Variants in ZNF341 observed in about 807,000 individuals in gnomAD.
The protein encoded by ZNF341 is zinc finger protein 341.
Under a neutral mutation model 87.7 loss-of-function variants are expected in ZNF341, and 52 were observed. The observed-to-expected ratio is 0.59, with a 90% CI of 0.47 to 0.75. The LOEUF (loss-of-function observed/expected upper bound fraction) is 0.75. Ranked by LOEUF, ZNF341 falls within the 30% of genes least tolerant of loss-of-function variation. The pLI, the probability that ZNF341 is intolerant of heterozygous loss-of-function variation, is 0.00. For missense variants in ZNF341, 977 were observed against 1,145.9 expected (o/e 0.85, Z 2.13); for synonymous variants, 459 against 472.7 (o/e 0.97, Z 0.38).
chr20:33,789,975 C>T (rs1224300647), intron 14 of ZNF341, among the ~76,000 whole-genome samples: 2 of 152,236 alleles, frequency 1.3e-5, no homozygotes, highest in Middle Eastern at 3.4e-3. Flanking sequence ...AGTTTCTCAG[C>T]GCCTCCTCAG....
rs1012634696 is a variant in ZNF341 at position 33,783,850 on chromosome 20, C to T, written c.1838C>T (p.Ala613Val). The T allele has an allele frequency of 2.5e-6, 4 of 1,613,222 alleles. No homozygotes were observed. Among genetic ancestry groups the T allele is most frequent in the Non-Finnish European group, 1.7e-6 (2 of 1,179,688 alleles). The change falls in exon 12 of 15, where the codon GCT (alanine) becomes GTT (valine). Residue 613 changes from alanine (A) to valine (V), a missense_variant. Transcript: ENST00000375200. ...FRREHYLKLH[A>V]HIHSGEKPYK... ...CGGGAGCATTATCTCAAACTGCATG[C>T]TCACATCCACTCGGGTAGGTACCCT... is the stretch of plus-strand genomic sequence containing the variant.
intron 13 of ZNF341, 59 bp downstream of exon 13, chr20:33,789,033 G>T (rs1447724914): frequency 1.4e-6 from 2 of 1,384,102 alleles, no homozygotes; most frequent in African/African-American, 1.4e-5. Flanking sequence ...CAGGGGTGCT[G>T]CTGGGGAGGG....
chr20:33,741,531 G>A (rs1271257349), intron 2 of ZNF341, among the ~76,000 whole-genome samples: 21 of 151,934 alleles, frequency 1.4e-4, no homozygotes, highest in Admixed American at 1.1e-3. Flanking sequence ...AGCCTCCTGC[G>A]TAGCTGGGAT....
chr20:33,791,180 C>G lies in ZNF341; in HGVS notation c.2228C>G (p.Thr743Ser). The G allele has an allele frequency of 1.2e-6, 2 of 1,613,136 alleles. No individual in the cohort carries two copies. The highest frequency in any genetic ancestry group is 1.7e-6 in the Non-Finnish European group (2 of 1,179,980). Residue 743 changes from threonine (T) to serine (S), a missense_variant, in exon 15 of 15, where the codon ACC becomes AGC. By Grantham distance (58) the Thr-to-Ser change is moderately conservative. Coordinates refer to ENST00000375200, the MANE Select transcript of ZNF341 (RefSeq NM_001282933.2). ...LGPQKDKDLQ[T>S]RRPPQRRAAP... Reference sequence around the variant, plus strand: ...CCCCAAAAGGACAAGGACCTGCAAACCCGGCGGCCCCCCCAGAGGAGGGCA... The same window carrying G: ...CCCCAAAAGGACAAGGACCTGCAAAGCCGGCGGCCCCCCCAGAGGAGGGCA...
intron 12 of ZNF341, among the ~76,000 whole-genome samples, chr20:33,785,203 T>C (rs2019827821): frequency 6.6e-6 from 1 of 152,190 alleles, no homozygotes; most frequent in South Asian, 2.1e-4. Context: ...TCCAATGTTT[T>C]TCCTTTTTTT....
chr20:33,768,556 G>C (rs1163294839), intron 9 of ZNF341, among the ~76,000 whole-genome samples: 1 of 151,846 alleles, frequency 6.6e-6, no homozygotes, highest in Non-Finnish European at 1.5e-5. Context: ...TTGAGTAGCT[G>C]GGATTACGTG....
intron 6 of ZNF341, among the ~76,000 whole-genome samples, chr20:33,757,890 G>A (rs1393546984): frequency 6.6e-6 from 1 of 152,150 alleles, no homozygotes; most frequent in African/African-American, 2.4e-5. Context: ...GGAGAGAGTG[G>A]ATATTAGGCA....
Position 33,750,790 on chromosome 20 carries a change from G to A in ZNF341, c.489+1718G>A, listed in dbSNP as rs373177514. On this transcript the variant is annotated intron_variant, in intron 4 of 14. Transcript: ENST00000375200. ...TGAGTAGCTGGTATTACAGGCACCCGCCACCATGTCTGGCTAATTTTTGTA... is the reference window on the plus strand; with the variant it reads ...TGAGTAGCTGGTATTACAGGCACCCACCACCATGTCTGGCTAATTTTTGTA... Among the ~76,000 whole-genome samples the A allele has an allele frequency of 2.6e-5, 4 of 152,148 alleles. No individual in the cohort carries two copies. The East Asian group carries it at 5.8e-4, about 22-fold the overall frequency.
Position 33,791,483 on chromosome 20 carries a change from T to C in ZNF341, c.2531T>C (p.Leu844Pro). 6.3e-7 allele frequency: 1 copy of C among 1,586,368 alleles called. No individual in the cohort carries two copies. Among genetic ancestry groups the C allele is most frequent in the South Asian group, 1.1e-5 (1 of 89,278 alleles). ...GGGGCCGAGGGCCCATGTGCCATGC[T>C]CGCTGTGCCCGTCTACATCCAGGCC... Reference protein sequence around the residue: ...QAGAEGPCAMLAVPVYIQASE With the variant: ...QAGAEGPCAMPAVPVYIQASE Residue 844 changes from leucine to proline, a missense_variant, in exon 15 of 15, where the codon CTC becomes CCC. Physicochemically the swap from Leu to Pro is moderately conservative, Grantham distance 98 (BLOSUM62 -3). Transcript: ENST00000375200.
intron 10 of ZNF341, among the ~76,000 whole-genome samples, chr20:33,779,218 GA>G (rs1338379892): frequency 6.6e-6 from 1 of 152,048 alleles, no homozygotes; most frequent in Non-Finnish European, 1.5e-5. Flanking sequence ...GAGCCAGATA[GA>G]GAGAGAGGGA....
At chr20:33,790,792 C>T (rs1371091930) in intron 14 of ZNF341, among the ~76,000 whole-genome samples, 196 bp from the exon 15 acceptor site, 1 of 152,118 alleles carries the variant, frequency 6.6e-6, no homozygotes, top group South Asian at 2.1e-4. Flanking sequence ...GAGGAGCCAG[C>T]GTGGCATCTC....
chr20:33,751,756 T>C (rs150613182), intron 4 of ZNF341, among the ~76,000 whole-genome samples: 3,164 of 152,106 alleles, frequency 0.021, 118 homozygotes, highest in African/African-American at 0.073. Flanking sequence ...TTTGTATTTT[T>C]AGTAGAGATG....
In ZNF341 at chr20:33,756,332, G is replaced by A. The variant is rs139601412; in HGVS notation, c.742-816G>A. Among the ~76,000 whole-genome samples the A allele has an allele frequency of 1.6e-3, 241 of 151,682 alleles. 2 individuals are homozygous for A. The highest frequency in any genetic ancestry group is 5.3e-3 in the African/African-American group (219 of 41,342). ...GTCAGGAAGTGGAGCAGCTGGGGGA[G>A]CACAGACCCCTCTGACTTCCTGGTT... On this transcript the variant is annotated intron_variant, in intron 5 of 14. Transcript: ENST00000375200.
chr20:33,781,155 A>T, intron 10 of ZNF341, 136 bp from the exon 11 acceptor site: 1 of 713,240 alleles, frequency 1.4e-6, no homozygotes, highest in Non-Finnish European at 2.5e-6. Flanking sequence ...GGCAGTGGCA[A>T]TTGAGAAGAG....
rs558442228 is a variant in ZNF341, at chr20:33,761,930, A to G, written c.1097A>G (p.Lys366Arg). Residue 366 changes from lysine to arginine, a missense_variant, in exon 8 of 15, where the codon AAG (lysine) becomes AGG (arginine). Lys to Arg is a conservative substitution (Grantham distance 26, BLOSUM62 2). Coordinates refer to ENST00000375200, the MANE Select transcript of ZNF341 (RefSeq NM_001282933.2). ...GCCTTTGCCCAGAAGTCTAATGTTAAGAAACACATGCAGACCCACAAGGTG... is the reference window on the plus strand; with the variant it reads ...GCCTTTGCCCAGAAGTCTAATGTTAGGAAACACATGCAGACCCACAAGGTG... Reference protein sequence around the residue: ...GRAFAQKSNVKKHMQTHKVWP... With the variant: ...GRAFAQKSNVRKHMQTHKVWP... 1.2e-6 allele frequency: 2 copies of G among 1,606,954 alleles called. No individual in the cohort carries two copies. The highest frequency in any genetic ancestry group is 2.2e-5 in the East Asian group (1 of 44,680).
chr20:33,777,422 G>A (rs1255522666), intron 10 of ZNF341, among the ~76,000 whole-genome samples: 2 of 150,442 alleles, frequency 1.3e-5, no homozygotes, highest in Non-Finnish European at 2.9e-5. Flanking sequence ...ATCACCTGAA[G>A]TCAGGAGTTC....
intron 1 of ZNF341, among the ~76,000 whole-genome samples, chr20:33,733,500 G>C (rs1429827946): frequency 6.6e-6 from 1 of 151,868 alleles, no homozygotes; most frequent in Non-Finnish European, 1.5e-5. Flanking sequence ...GCCTCCCAAA[G>C]TGCTGGGATT....
At chr20:33,737,187 A>G (rs1029682593) in intron 1 of ZNF341, among the ~76,000 whole-genome samples, 5 of 152,092 alleles carry the variant, frequency 3.3e-5, no homozygotes, top group African/African-American at 1.2e-4. Context: ...TTATCAAGAC[A>G]GGGGAATTGC....
At chr20:33,753,136 C>T in intron 4 of ZNF341, 36 bp from the exon 5 acceptor site, 1 of 1,611,314 alleles carries the variant, frequency 6.2e-7, no homozygotes, top group Non-Finnish European at 8.5e-7. Context: ...CAACTGGTAT[C>T]AAGAGGCTAT....
Sources: allele counts gnomAD v4.1 joint callset (sites outside exome capture counted in the v4.1 genomes callset), GRCh38; gene constraint gnomAD v4.1.1; transcripts MANE v1.5; gene names NCBI Gene and HGNC (gene_info 2026-07-23, HGNC 2026-07-21).